Variants in PARD3 observed in about 807,000 individuals in gnomAD.
PARD3 encodes par-3 family cell polarity regulator, also known as partitioning defective 3 homolog.
A neutral mutation model predicts 155.4 loss-of-function variants in PARD3; 75 were observed. The observed-to-expected ratio is 0.48, with a 90% CI of 0.40 to 0.58. PARD3 has a LOEUF of 0.58. PARD3 is among the 20% of genes least tolerant of loss of function. The probability of loss-of-function intolerance (pLI) is 0.00; values close to 1 mark genes in which losing one functional copy is unlikely to be tolerated. For missense variants in PARD3, 1,642 were observed against 1,721.7 expected (o/e 0.95, Z 0.82); for synonymous variants, 576 against 610.5 (o/e 0.94, Z 0.83).
At position 34,264,244 on chromosome 10, in the gene PARD3, G is replaced by A. The variant is rs118027580; in HGVS notation, c.3419+5413C>T. 2.6e-3 allele frequency among the ~76,000 whole-genome samples: 401 copies of A among 152,316 alleles called. 2 individuals are homozygous for A. The East Asian group carries it at 0.028, about 11-fold the overall frequency. On this transcript the variant is annotated intron_variant, in intron 22 of 24. Coordinates refer to ENST00000374788, the MANE Select transcript of PARD3 (RefSeq NM_001184785.2). ...TTAGAACAGATGATTTTGCCCAACT[G>A]TAGGCTAATGTAAGTGTTCTGAGCA... is the stretch of plus-strand genomic sequence containing the variant.
At chr10:34,678,080 T>A (rs1038387436) in intron 2 of PARD3, among the ~76,000 whole-genome samples, 1 of 152,044 alleles carries the variant, frequency 6.6e-6, no homozygotes, top group African/African-American at 2.4e-5. Context: ...TTATTTAATT[T>A]ATTTATTTAT....
intron 22 of PARD3, among the ~76,000 whole-genome samples, chr10:34,211,928 G>A (rs1951775356): frequency 6.6e-6 from 1 of 151,996 alleles, no homozygotes; most frequent in East Asian, 1.9e-4. Context: ...TGGTATTTGG[G>A]GACACTACAC....
intron 2 of PARD3, among the ~76,000 whole-genome samples, chr10:34,541,526 C>G (rs1260920291): frequency 2.0e-5 from 3 of 152,162 alleles, no homozygotes; most frequent in Non-Finnish European, 4.4e-5. Flanking sequence ...CAAGAAGGCA[C>G]AACCTTTTCA....
intron 20 of PARD3, among the ~76,000 whole-genome samples, chr10:34,307,169 C>T (rs1406402490): frequency 2.0e-5 from 3 of 152,128 alleles, no homozygotes; most frequent in Non-Finnish European, 2.9e-5. Flanking sequence ...GGATTACAGG[C>T]GTGAGCCACC....
intron 1 of PARD3, among the ~76,000 whole-genome samples, chr10:34,764,901 T>C (rs1837892435): frequency 6.6e-6 from 1 of 152,200 alleles, no homozygotes; most frequent in Non-Finnish European, 1.5e-5. Context: ...AAAACATTTA[T>C]CTTCATAAAC....
At chr10:34,587,899 A>G (rs572704371) in intron 2 of PARD3, among the ~76,000 whole-genome samples, 1 of 152,260 alleles carries the variant, frequency 6.6e-6, no homozygotes, top group African/African-American at 2.4e-5. Flanking sequence ...GGGTGGAATC[A>G]CCCGTATACT....
intron 3 of PARD3, among the ~76,000 whole-genome samples, chr10:34,501,576 CA>C (rs1334705204): frequency 6.6e-6 from 1 of 152,098 alleles, no homozygotes; most frequent in East Asian, 1.9e-4. Context: ...ATACTGAAAT[CA>C]AAATGATCAG....
At chr10:34,287,102 G>A (rs748729301) in intron 20 of PARD3, among the ~76,000 whole-genome samples, 29 of 152,084 alleles carry the variant, frequency 1.9e-4, no homozygotes, top group Admixed American at 9.2e-4. Flanking sequence ...GACAGCATAA[G>A]GCGGGATGGA....
intron 2 of PARD3, among the ~76,000 whole-genome samples, chr10:34,519,866 AT>A (rs1233032058): frequency 2.0e-5 from 3 of 150,796 alleles, no homozygotes; most frequent in Non-Finnish European, 3.0e-5. Flanking sequence ...ATAACATAAC[AT>A]AACATAACAT....
intron 23 of PARD3, among the ~76,000 whole-genome samples, chr10:34,130,263 T>C (rs1331038247): frequency 2.0e-5 from 3 of 152,154 alleles, no homozygotes; most frequent in Non-Finnish European, 4.4e-5. Flanking sequence ...GCTGTGAGGC[T>C]AATCCTTCCT....
At chr10:34,290,148 A>G (rs556844046) in intron 20 of PARD3, among the ~76,000 whole-genome samples, 8 of 152,296 alleles carry the variant, frequency 5.3e-5, no homozygotes, top group Non-Finnish European at 1.0e-4. Context: ...AATTACACGG[A>G]ATAATAATGC....
intron 22 of PARD3, among the ~76,000 whole-genome samples, chr10:34,194,131 T>C (rs892692538): frequency 1.3e-5 from 2 of 152,174 alleles, no homozygotes; most frequent in Non-Finnish European, 2.9e-5. Flanking sequence ...CCTCTACATA[T>C]TGAGAGTAAT....
intron 22 of PARD3, among the ~76,000 whole-genome samples, chr10:34,244,867 G>C (rs1485431030): frequency 6.6e-6 from 1 of 152,056 alleles, no homozygotes; most frequent in Non-Finnish European, 1.5e-5. Flanking sequence ...GTGAATTAAG[G>C]CATGGTCCTT....
rs77923664 is a variant in PARD3, at chr10:34,794,857, AAT to A, written c.120+20017_120+20018del. 3.2e-3 allele frequency among the ~76,000 whole-genome samples: 481 copies of A among 152,058 alleles called. 2 individuals are homozygous for A. Among genetic ancestry groups the A allele is most frequent in the African/African-American group, 0.011 (446 of 41,578 alleles). On this transcript the variant is annotated intron_variant, in intron 1 of 24. Coordinates refer to ENST00000374788, the MANE Select transcript of PARD3 (RefSeq NM_001184785.2). ...AACATGACACATAACAATAAAAAAA[AAT>A]GTTTGATGTTATATGTGATACACAC...
At chr10:34,450,053 G>A (rs1323762562) in intron 5 of PARD3, among the ~76,000 whole-genome samples, 1 of 152,106 alleles carries the variant, frequency 6.6e-6, no homozygotes, top group Admixed American at 6.5e-5. Flanking sequence ...TGCCTCTGTA[G>A]CATTACAAAC....
chr10:34,343,894 T>C (rs1166611925), intron 15 of PARD3: 4 of 983,266 alleles, frequency 4.1e-6, no homozygotes, highest in East Asian at 2.3e-4. Flanking sequence ...TAAACATTTA[T>C]TCATTGGCAA....
rs761641750 is a variant in PARD3, at chr10:34,516,983, T to A, written c.399A>T (p.Arg133=). 9.9e-6 allele frequency: 16 copies of A among 1,613,472 alleles called. No individual in the cohort carries two copies. In the African/African-American group the frequency reaches 2.1e-4, roughly 22 times the overall value. ...SEIEVTPSVL[R]ANMPLHVRRS... The stretch of plus-strand genomic sequence containing the variant: ...GAAGAAAGAGCTTTCACTTACTTGC[T>A]CGAAGGACTGAAGGTGTGACCTCAA... Residue 133 remains arginine (R), a synonymous_variant, in exon 3 of 25, where the codon CGA becomes CGT. Coordinates refer to ENST00000374788, the MANE Select transcript of PARD3 (RefSeq NM_001184785.2).
chr10:34,506,776 A>C (rs1380334699), intron 3 of PARD3, among the ~76,000 whole-genome samples: 2 of 152,228 alleles, frequency 1.3e-5, no homozygotes, highest in Non-Finnish European at 2.9e-5. Flanking sequence ...TTTACAACAA[A>C]AATCACCATG....
chr10:34,185,526 T>C (rs192395331), intron 22 of PARD3, among the ~76,000 whole-genome samples: 1 of 152,196 alleles, frequency 6.6e-6, no homozygotes, highest in African/African-American at 2.4e-5. Flanking sequence ...ATTTACTGGA[T>C]TTTTTTTCTT....
Sources: allele counts gnomAD v4.1 joint callset (sites outside exome capture counted in the v4.1 genomes callset), GRCh38; gene constraint gnomAD v4.1.1; transcripts MANE v1.5; gene names NCBI Gene and HGNC (gene_info 2026-07-23, HGNC 2026-07-21).